The following GLS2 variants were observed in gnomAD, a reference collection of about 807,000 sequenced individuals.
GLS2 encodes the protein glutaminase liver isoform, mitochondrial.
Under a neutral mutation model 79.0 loss-of-function variants are expected in GLS2, and 52 were observed. The ratio of observed to expected loss-of-function variants is 0.66; its 90% CI spans 0.53 to 0.83. The LOEUF (loss-of-function observed/expected upper bound fraction) is 0.83, where lower values mean the gene tolerates loss of function less well. Ranked by LOEUF, GLS2 falls within the 40% of genes least tolerant of loss-of-function variation. The pLI, the probability that GLS2 is intolerant of heterozygous loss-of-function variation, is 0.00. For synonymous variants in GLS2, 238 were observed against 280.8 expected (o/e 0.85, Z 1.52); for missense variants, 561 against 764.8 (o/e 0.73, Z 3.14).
intron 16 of GLS2, 99 bp downstream of exon 16, chr12:56,472,019 GC>G: frequency 7.3e-7 from 1 of 1,374,506 alleles, no homozygotes; most frequent in Non-Finnish European, 1.0e-6. Context: ...ACTAGTTGCT[GC>G]CCCTATAACC....
In GLS2 at chr12:56,472,676, C is replaced by A; in HGVS notation, c.1511+14G>T. 1 of 1,611,956 alleles carries A rather than the reference C, an allele frequency of 6.2e-7. No individual in the cohort carries two copies. Among genetic ancestry groups the A allele is most frequent in the South Asian group, 1.1e-5 (1 of 90,952 alleles). On this transcript the variant is annotated intron_variant, in intron 15 of 17. Transcript: ENST00000311966. ...GAGTATTTTATTGTGTATATTTGGT[C>A]ACAGTAGCATTACCTTCGAAGAGCT...
intron 1 of GLS2, among the ~76,000 whole-genome samples, chr12:56,480,993 T>C (rs567912532): frequency 6.6e-6 from 1 of 152,324 alleles, no homozygotes; most frequent in South Asian, 2.1e-4. Flanking sequence ...CTACTTCACC[T>C]GGGTGATGTG....
At chr12:56,484,103 C>G (rs548258953) in intron 1 of GLS2, among the ~76,000 whole-genome samples, 86 of 152,214 alleles carry the variant, frequency 5.6e-4, no homozygotes, top group Admixed American at 2.1e-3. Context: ...AACCCCATCT[C>G]TACTAAAAGT....
At chr12:56,481,964 T>C (rs376893140) in intron 1 of GLS2, among the ~76,000 whole-genome samples, 2 of 140,878 alleles carry the variant, frequency 1.4e-5, no homozygotes, top group African/African-American at 5.6e-5. Flanking sequence ...GGCATGGTGG[T>C]TCACACCTGT....
chr12:56,477,782 A>G, intron 6 of GLS2, 64 bp from the exon 7 acceptor site: 5 of 1,567,342 alleles, frequency 3.2e-6, no homozygotes, highest in Non-Finnish European at 4.3e-6. Flanking sequence ...CAGCCCGCTC[A>G]CTTTGTGGGT....
rs1261459905 is a variant in GLS2 at position 56,475,691 on chromosome 12, G to A, written c.871-9C>T. 1 of 1,613,922 alleles carries A rather than the reference G, an allele frequency of 6.2e-7. No homozygotes were observed. Among genetic ancestry groups the A allele is most frequent in the African/African-American group, 1.3e-5 (1 of 75,020 alleles). ...TTGAGATACTGCAACACCTGGAAGA[G>A]AAAAAGGGACATTGAGGCTCCACTT... is the stretch of plus-strand genomic sequence containing the variant. On this transcript the variant is annotated splice_polypyrimidine_tract_variant and intron_variant, in intron 8 of 17. Coordinates refer to ENST00000311966, the MANE Select transcript of GLS2 (RefSeq NM_013267.4).
chr12:56,481,500 C>A, intron 1 of GLS2, among the ~76,000 whole-genome samples: 1 of 151,602 alleles, frequency 6.6e-6, no homozygotes, highest in Non-Finnish European at 1.5e-5. Context: ...GCCACCACGC[C>A]CAGTCAAAAT....
In GLS2 at chr12:56,473,223, C is replaced by T. The variant is rs1458734175; in HGVS notation, c.1449+5G>A. 1 of 1,613,818 alleles carries T rather than the reference C, an allele frequency of 6.2e-7. No homozygotes were observed. Among genetic ancestry groups the T allele is most frequent in the East Asian group, 2.2e-5 (1 of 44,880 alleles). ...TTCTTACAAGCCACCTGGAGTTTTC[C>T]TTACCCGAATTTCTGCCCCTTCACG... On this transcript the variant is annotated splice_donor_5th_base_variant and intron_variant, in intron 14 of 17. Coordinates refer to ENST00000311966, the MANE Select transcript of GLS2 (RefSeq NM_013267.4).
chr12:56,484,067 C>T (rs780758683), intron 1 of GLS2, among the ~76,000 whole-genome samples: 4 of 151,996 alleles, frequency 2.6e-5, no homozygotes, highest in Non-Finnish European at 4.4e-5. Context: ...GTAAGGAGTT[C>T]GAGACCAGCC....
chr12:56,485,258 CTT>C (rs1283689155), intron 1 of GLS2, among the ~76,000 whole-genome samples: 1 of 151,686 alleles, frequency 6.6e-6, no homozygotes, highest in African/African-American at 2.4e-5. Flanking sequence ...AAGTAATAAA[CTT>C]ATTTATTTAT....
intron 9 of GLS2, 22 bp from the exon 10 acceptor site, chr12:56,475,132 G>A (rs201848530): frequency 1.2e-6 from 2 of 1,613,672 alleles, no homozygotes; most frequent in Non-Finnish European, 1.7e-6. Flanking sequence ...ACCCAATTTA[G>A]TACTTGAAGT....
In GLS2 at chr12:56,477,831, GC is replaced by G. The variant is rs905239999; in HGVS notation, c.778+101del. On this transcript the variant is annotated intron_variant, in intron 6 of 17. Coordinates refer to ENST00000311966, the MANE Select transcript of GLS2 (RefSeq NM_013267.4). ...CTGCTAGGGAGAAAGGCATGACAGGGCTAATCAGGAAGGGCAGAGAAACAAA... is the reference window on the plus strand; with the variant it reads ...CTGCTAGGGAGAAAGGCATGACAGGGTAATCAGGAAGGGCAGAGAAACAAA... The G allele has an allele frequency of 1.1e-4, 170 of 1,539,594 alleles. 1 individual carries two copies. In the African/African-American group the frequency reaches 2.1e-3, roughly 19 times the overall value.
At position 56,471,196 on chromosome 12, in the gene GLS2, G is replaced by C. The variant is rs1187119376; in HGVS notation, c.*291C>G. The C allele has an allele frequency of 6.9e-6, 3 of 435,952 alleles. No individual in the cohort carries two copies. Among genetic ancestry groups the C allele is most frequent in the Non-Finnish European group, 1.2e-5 (3 of 249,142 alleles). The allele number at this position is 435,952 out of a possible 1,614,324, so 27.0% of individuals were successfully genotyped here. The stretch of plus-strand genomic sequence containing the variant: ...CTTCAGGGAGAGGAAGAGGAGACCT[G>C]GGTGAAGAGCTGGGATGGTTTTGAG... On this transcript the variant is annotated 3_prime_UTR_variant, in exon 18 of 18. Transcript: ENST00000311966.
rs773998209 is a variant in GLS2 at position 56,471,634 on chromosome 12, G to A, written c.1662C>T (p.Asn554=). The A allele has an allele frequency of 2.5e-6, 4 of 1,613,986 alleles. No individual in the cohort carries two copies. Among genetic ancestry groups the A allele is most frequent in the African/African-American group, 2.7e-5 (2 of 74,914 alleles). Reference sequence around the variant, plus strand: ...ACTGCACAGCATCATCCAGGGGAATGTTGCCCCACCTGAGAGGAATAATGA... The same window carrying A: ...ACTGCACAGCATCATCCAGGGGAATATTGCCCCACCTGAGAGGAATAATGA... ...VNPFAKDRWG[N]IPLDDAVQFN... The change falls in exon 18 of 18, where the codon AAC becomes AAT. Residue 554 remains asparagine, a synonymous_variant. Coordinates refer to ENST00000311966, the MANE Select transcript of GLS2 (RefSeq NM_013267.4).
chr12:56,475,470 G>T, intron 9 of GLS2, 154 bp downstream of exon 9: 1 of 755,950 alleles, frequency 1.3e-6, no homozygotes, highest in Non-Finnish European at 2.1e-6. Flanking sequence ...ATAAACAAAT[G>T]TTTATGAAGG....
At position 56,471,382 on chromosome 12, in the gene GLS2, C is replaced by T. The variant is rs1869243307; in HGVS notation, c.*105G>A. The T allele has an allele frequency of 2.4e-6, 3 of 1,226,540 alleles. No homozygotes were observed. In the African/African-American group the frequency reaches 4.5e-5, roughly 18 times the overall value. The allele number at this position is 1,226,540 out of a possible 1,614,324, so 76.0% of individuals were successfully genotyped here. On this transcript the variant is annotated 3_prime_UTR_variant, in exon 18 of 18. Coordinates refer to ENST00000311966, the MANE Select transcript of GLS2 (RefSeq NM_013267.4). ...CTAAGTCACCAAATGACTGCTTGGT[C>T]CCCACTGAAGCAGTGTAGCTCTCCA...
At chr12:56,487,502 G>A (rs1363300250) in intron 1 of GLS2, 2 of 208,988 alleles carry the variant, frequency 9.6e-6, no homozygotes, top group African/African-American at 4.7e-5. Context: ...TACCTGCCGA[G>A]AACACGCAGA....
chr12:56,471,920 A>G, intron 16 of GLS2, 84 bp from the exon 17 acceptor site: 1 of 1,458,032 alleles, frequency 6.9e-7, no homozygotes, highest in South Asian at 1.1e-5. Flanking sequence ...AGTCTTTACC[A>G]AGAGGGGAGG....
rs762162263 is a variant in GLS2, at chr12:56,471,488, C to T, written c.1808G>A (p.Ter603=). 3.2e-5 allele frequency: 51 copies of T among 1,611,940 alleles called. No homozygotes were observed. Among genetic ancestry groups the T allele is most frequent in the Non-Finnish European group, 3.8e-5 (45 of 1,178,928 alleles). ...GCAGGGGCTGTCCATGACCTGTGCT[C>T]ATACCATGCTTTCTAAGTTCTCTTT... ...LSKENLESMV[*] Residue 603 remains the stop codon, a stop_retained_variant, in exon 18 of 18, where the codon TGA becomes TAA. Coordinates refer to ENST00000311966, the MANE Select transcript of GLS2 (RefSeq NM_013267.4).
Sources: allele counts gnomAD v4.1 joint callset (sites outside exome capture counted in the v4.1 genomes callset), GRCh38; gene constraint gnomAD v4.1.1; transcripts MANE v1.5; gene names NCBI Gene and HGNC (gene_info 2026-07-23, HGNC 2026-07-21).